TRDN: variants seen among roughly 807,000 people sequenced by gnomAD.
TRDN encodes the protein triadin in skeletal muscle.
Under a neutral mutation model 149.7 loss-of-function variants are expected in TRDN, and 161 were observed. The observed-to-expected ratio is 1.08, with a 90% confidence interval of 0.95 to 1.23. The LOEUF (loss-of-function observed/expected upper bound fraction) is 1.23, where lower values mean the gene tolerates loss of function less well. Ranked by LOEUF, TRDN falls within the 50% of genes most tolerant of loss-of-function variation. TRDN has a pLI of 0.00. For missense variants in TRDN, 896 were observed against 823.5 expected (o/e 1.09, Z -1.08); for synonymous variants, 294 against 250.5 (o/e 1.17, Z -1.64).
chr6:123,259,118 T>C (rs1037307491), intron 35 of TRDN, among the ~76,000 whole-genome samples: 4 of 152,080 alleles, frequency 2.6e-5, no homozygotes, highest in Non-Finnish European at 5.9e-5. Flanking sequence ...TTTTAAGGGT[T>C]TTTTTGTGTC....
At chr6:123,355,112 T>G (rs1188416795) in intron 20 of TRDN, among the ~76,000 whole-genome samples, 1 of 151,570 alleles carries the variant, frequency 6.6e-6, no homozygotes, top group African/African-American at 2.4e-5. Context: ...TTTGCCTAAT[T>G]TTTTAATGTT....
At chr6:123,484,234 G>T (rs1379110124) in intron 9 of TRDN, among the ~76,000 whole-genome samples, 1 of 151,870 alleles carries the variant, frequency 6.6e-6, no homozygotes, top group Non-Finnish European at 1.5e-5. Flanking sequence ...TTTAGGTATG[G>T]GCATATTTAT....
At chr6:123,228,242 A>G (rs192552867) in intron 38 of TRDN, among the ~76,000 whole-genome samples, 6 of 152,064 alleles carry the variant, frequency 3.9e-5, no homozygotes, top group Admixed American at 2.6e-4. Flanking sequence ...TCTCAGAGCT[A>G]TAAGAAGTGA....
intron 23 of TRDN, among the ~76,000 whole-genome samples, chr6:123,330,197 A>AT (rs937949458): frequency 9.9e-5 from 15 of 152,108 alleles, no homozygotes; most frequent in African/African-American, 3.4e-4. Flanking sequence ...TTTTAAAAAT[A>AT]TTTCCACCTT....
chr6:123,602,342 T>A (rs1302989367), intron 1 of TRDN, among the ~76,000 whole-genome samples: 2 of 151,930 alleles, frequency 1.3e-5, no homozygotes, highest in East Asian at 3.9e-4. Context: ...AAACCAAATA[T>A]CATATGTTCT....
Position 123,381,314 on chromosome 6 carries a change from G to T in TRDN, c.1186+56C>A, listed in dbSNP as rs906456494. 13 of 1,485,810 alleles carry T rather than the reference G, an allele frequency of 8.7e-6. No homozygotes were observed. The African/African-American group carries it at 1.5e-4, about 18-fold the overall frequency. The allele number at this position is 1,485,810 out of a possible 1,614,324, so 92.0% of individuals were successfully genotyped here. On this transcript the variant is annotated intron_variant, in intron 16 of 40. Coordinates refer to ENST00000334268, the MANE Select transcript of TRDN (RefSeq NM_006073.4). ...ATTGCAGGTCTAAATACAGCAGCAG[G>T]CAAATAATAGTAGTAAAAAAAAAAG...
chr6:123,306,412 G>C (rs1778613669), intron 24 of TRDN, among the ~76,000 whole-genome samples: 1 of 152,190 alleles, frequency 6.6e-6, no homozygotes, highest in Admixed American at 6.6e-5. Flanking sequence ...TGATCAAAAG[G>C]GGGGAAATGT....
At chr6:123,502,499 A>T (rs1778742603) in intron 8 of TRDN, 3 of 911,314 alleles carry the variant, frequency 3.3e-6, no homozygotes, top group Non-Finnish European at 3.9e-6. Flanking sequence ...TAAAATATAT[A>T]TTTTTAAAAT....
chr6:123,247,279 T>C (rs1034810403), intron 38 of TRDN, among the ~76,000 whole-genome samples: 1 of 149,810 alleles, frequency 6.7e-6, no homozygotes, highest in Non-Finnish European at 1.5e-5. Flanking sequence ...AAAGAAAGCA[T>C]ATTTTAATAG....
intron 12 of TRDN, among the ~76,000 whole-genome samples, chr6:123,399,138 T>C (rs941214591): frequency 6.6e-6 from 1 of 152,204 alleles, no homozygotes; most frequent in African/African-American, 2.4e-5. Context: ...AAGTATTTCT[T>C]AATTTGAAAA....
At chr6:123,311,535 A>G (rs764898674) in intron 24 of TRDN, among the ~76,000 whole-genome samples, 4 of 151,436 alleles carry the variant, frequency 2.6e-5, no homozygotes, top group African/African-American at 7.3e-5. Flanking sequence ...TTGGCCACCC[A>G]CAACTCTCTT....
intron 24 of TRDN, among the ~76,000 whole-genome samples, chr6:123,315,997 T>C (rs1779008033): frequency 1.3e-5 from 2 of 151,944 alleles, no homozygotes; most frequent in Non-Finnish European, 2.9e-5. Flanking sequence ...TTTAATCTGT[T>C]AGGTTGAACC....
intron 2 of TRDN, among the ~76,000 whole-genome samples, chr6:123,550,750 C>T (rs1487052648): frequency 6.6e-6 from 1 of 151,956 alleles, no homozygotes; most frequent in Admixed American, 6.6e-5. Flanking sequence ...ATTCGTGGAG[C>T]ACACAGACCA....
intron 23 of TRDN, among the ~76,000 whole-genome samples, chr6:123,317,373 T>C (rs1416389968): frequency 6.6e-6 from 1 of 151,910 alleles, no homozygotes. Flanking sequence ...AAACTATGTA[T>C]AAGGGATAAT....
intron 12 of TRDN, among the ~76,000 whole-genome samples, chr6:123,394,243 A>T (rs1037923876): frequency 1.3e-5 from 2 of 152,164 alleles, no homozygotes; most frequent in African/African-American, 2.4e-5. Context: ...CTCTTGTTCT[A>T]AGTTTTTTTT....
intron 1 of TRDN, among the ~76,000 whole-genome samples, chr6:123,583,271 A>G (rs903874067): frequency 1.3e-5 from 2 of 152,042 alleles, no homozygotes; most frequent in Non-Finnish European, 2.9e-5. Context: ...GAATAGGAGT[A>G]TGACTAGACA....
At chr6:123,494,363 GA>G (rs1778344830) in intron 9 of TRDN, among the ~76,000 whole-genome samples, 2 of 152,192 alleles carry the variant, frequency 1.3e-5, no homozygotes, top group South Asian at 4.2e-4. Context: ...AGATTTTTCA[GA>G]AAGAAATGAT....
chr6:123,467,379 G>T lies in TRDN; in HGVS notation c.854-2396C>A, dbSNP rs73770116. Among the ~76,000 whole-genome samples, 1,307 of 151,704 alleles carry T rather than the reference G, an allele frequency of 8.6e-3. 23 individuals carry two copies. The highest frequency in any genetic ancestry group is 0.03 in the African/African-American group (1,242 of 41,384). On this transcript the variant is annotated intron_variant, in intron 9 of 40. Coordinates refer to ENST00000334268, the MANE Select transcript of TRDN (RefSeq NM_006073.4). The stretch of plus-strand genomic sequence containing the variant: ...TATTTATTAGAACACACAAACTGGT[G>T]CTTCTGCGGCATAAAGTGCAATATG...
intron 20 of TRDN, among the ~76,000 whole-genome samples, chr6:123,356,520 T>TATATATATATAC (rs1780687226): frequency 3.9e-5 from 1 of 25,700 alleles, no homozygotes; most frequent in East Asian, 7.1e-3. Context: ...TATATATATA[T>TATATATATATAC]ATATATATAT....
Sources: gnomAD v4.1 joint callset for allele counts (sites outside exome capture counted in the v4.1 genomes callset) on GRCh38, gnomAD v4.1.1 for gene constraint, MANE v1.5 for transcripts, NCBI Gene and HGNC (gene_info 2026-07-23, HGNC 2026-07-21) for gene names.